The following TOPAZ1 variants were observed in gnomAD, a reference collection of about 807,000 sequenced individuals.
The protein encoded by TOPAZ1 is protein TOPAZ1.
TOPAZ1 carries 66 observed loss-of-function variants against 172.2 expected under a neutral mutation model. That is an observed-to-expected ratio of 0.38 (90% CI 0.31 to 0.47). The LOEUF is 0.47. TOPAZ1 is among the 20% of genes least tolerant of loss of function. The pLI, the probability that TOPAZ1 is intolerant of heterozygous loss-of-function variation, is 0.99. For missense variants in TOPAZ1, 1,822 were observed against 1,972.4 expected, an observed-to-expected ratio of 0.92 and a Z score of 1.44; for synonymous variants, 681 against 683.9, an observed-to-expected ratio of 1.00 and a Z score of 0.07.
chr3:44,278,903 G>T (rs1258984154), intron 8 of TOPAZ1, among the ~76,000 whole-genome samples: 1 of 148,972 alleles, frequency 6.7e-6, no homozygotes, highest in Non-Finnish European at 1.5e-5. Context: ...TGCTTTCCTA[G>T]TTTCTTGAGA....
In TOPAZ1 at chr3:44,244,979, G is replaced by A. The variant is rs1229085186; in HGVS notation, c.2473G>A (p.Glu825Lys). 6.4e-7 allele frequency: 1 copy of A among 1,551,662 alleles called. No individual in the cohort carries two copies. The highest frequency in any genetic ancestry group is 2.0e-5 in the Admixed American group (1 of 50,992). Residue 825 changes from glutamate (E) to lysine (K), a missense_variant, in exon 2 of 20, where the codon GAA (glutamate) becomes AAA (lysine). Physicochemically the swap from Glu to Lys is moderately conservative, Grantham distance 56. Transcript: ENST00000309765. ...VEKSPSFCCNEQETFRPVSSE... is the reference protein window; with the variant it reads ...VEKSPSFCCNKQETFRPVSSE... The stretch of plus-strand genomic sequence containing the variant: ...GAAAAGTCCTTCCTTCTGCTGTAAT[G>A]AACAAGAAACATTCCGACCAGTGTC...
intron 9 of TOPAZ1, among the ~76,000 whole-genome samples, chr3:44,286,356 G>A (rs1230373734): frequency 6.6e-6 from 1 of 152,146 alleles, no homozygotes; most frequent in Non-Finnish European, 1.5e-5. Flanking sequence ...TAATAACACT[G>A]AGTTTACCGT....
chr3:44,282,309 TTAACTC>T (rs566416577), intron 9 of TOPAZ1, among the ~76,000 whole-genome samples: 181 of 152,332 alleles, frequency 1.2e-3, no homozygotes, highest in African/African-American at 4.1e-3. Flanking sequence ...TAATTAGTCT[TTAACTC>T]TATCTAAAGG....
intron 2 of TOPAZ1, among the ~76,000 whole-genome samples, chr3:44,253,565 A>T (rs997997125): frequency 1.3e-5 from 2 of 152,096 alleles, no homozygotes; most frequent in Non-Finnish European, 2.9e-5. Flanking sequence ...TGTATTGGGG[A>T]GGTGAAATTT....
intron 2 of TOPAZ1, among the ~76,000 whole-genome samples, chr3:44,250,243 C>A (rs201934266): frequency 0.019 from 2,068 of 110,050 alleles, no homozygotes; most frequent in Middle Eastern, 0.022. Context: ...CATGAAATGA[C>A]AAAAAAAAAA....
intron 5 of TOPAZ1, among the ~76,000 whole-genome samples, chr3:44,262,830 C>A (rs749246745): frequency 3.3e-5 from 5 of 152,192 alleles, no homozygotes; most frequent in Non-Finnish European, 5.9e-5. Flanking sequence ...TGCAGCGATT[C>A]ATACTAAGAG....
At chr3:44,268,871 C>G (rs146632296) in intron 6 of TOPAZ1, among the ~76,000 whole-genome samples, 176 of 152,280 alleles carry the variant, frequency 1.2e-3, no homozygotes, top group African/African-American at 4.1e-3. Flanking sequence ...CACTAGTTTT[C>G]TTCCCTTAGA....
At chr3:44,328,532 T>A in intron 19 of TOPAZ1, 99 bp downstream of exon 19, 1 of 524,860 alleles carries the variant, frequency 1.9e-6, no homozygotes. Flanking sequence ...TACATACATA[T>A]ATATTTATGT....
rs1700095710 is a variant in TOPAZ1 at position 44,287,759 on chromosome 3, A to T, written c.3601A>T (p.Ile1201Leu). 2.7e-6 allele frequency: 4 copies of T among 1,479,630 alleles called. No homozygotes were observed. The African/African-American group carries it at 5.7e-5, about 21-fold the overall frequency. 91.7% of individuals were successfully genotyped at this position (1,479,630 alleles called of 1,614,324 possible). Residue 1201 changes from isoleucine to leucine, a missense_variant, in exon 11 of 20, where the codon ATA becomes TTA. Physicochemically the swap from Ile to Leu is conservative, Grantham distance 5. Around this residue, in one of 2 missense-constraint regions of TOPAZ1, gnomAD observed 1,489 missense variants for 1,490.8 expected, o/e 1.00. Coordinates refer to ENST00000309765, the MANE Select transcript of TOPAZ1 (RefSeq NM_001145030.2). ...IMVKMLPSLK[I>L]LLNIFEYVAT... ...TTGTTTTATCCAGCCTTCTCTGAAA[A>T]TATTACTAAACATATTTGAGTATGT...
chr3:44,300,053 G>A (rs1331463412), intron 12 of TOPAZ1, among the ~76,000 whole-genome samples: 3 of 150,646 alleles, frequency 2.0e-5, no homozygotes, highest in Non-Finnish European at 4.4e-5. Context: ...GTATACATAT[G>A]TAACTAACCT....
At position 44,262,452 on chromosome 3, in the gene TOPAZ1, G is replaced by T; in HGVS notation, c.2989G>T (p.Glu997Ter). 4 of 1,485,972 alleles carry T rather than the reference G, an allele frequency of 2.7e-6. No homozygotes were observed. The highest frequency in any genetic ancestry group is 2.7e-6 in the Non-Finnish European group (3 of 1,092,546). 92.0% of individuals were successfully genotyped at this position (1,485,972 alleles called of 1,614,324 possible). ...RFTDKVITKE[E>*]KENIYEVCKS... ...TACAGACAAAGTGATTACCAAAGAA[G>T]AAAAAGAAAATATTTATGAAGTTTG... Residue 997 changes from glutamate to a stop codon, truncating the protein, a stop_gained, in exon 5 of 20, where the codon GAA becomes TAA. Transcript: ENST00000309765. LOFTEE classifies it high-confidence loss of function.
intron 11 of TOPAZ1, among the ~76,000 whole-genome samples, chr3:44,290,066 G>C (rs1425167374): frequency 6.6e-6 from 1 of 152,094 alleles, no homozygotes; most frequent in African/African-American, 2.4e-5. Context: ...TTATACCTTT[G>C]AACCAAGGTC....
chr3:44,294,502 T>A (rs1226469691), intron 12 of TOPAZ1, among the ~76,000 whole-genome samples: 1 of 152,202 alleles, frequency 6.6e-6, no homozygotes, highest in Non-Finnish European at 1.5e-5. Context: ...GGCAATTATT[T>A]TTTTTTCTTT....
At chr3:44,283,436 T>C (rs957143648) in intron 9 of TOPAZ1, among the ~76,000 whole-genome samples, 14 of 152,206 alleles carry the variant, frequency 9.2e-5, no homozygotes, top group Non-Finnish European at 2.1e-4. Flanking sequence ...AAATAAGTTA[T>C]GGATTTAGCT....
intron 18 of TOPAZ1, among the ~76,000 whole-genome samples, chr3:44,324,292 G>C (rs1426616842): frequency 6.6e-6 from 1 of 152,082 alleles, no homozygotes; most frequent in African/African-American, 2.4e-5. Context: ...TTCTTAAAAA[G>C]GGTGATCAGA....
At chr3:44,252,166 CTTG>C (rs1699640185) in intron 2 of TOPAZ1, among the ~76,000 whole-genome samples, 1 of 152,100 alleles carries the variant, frequency 6.6e-6, no homozygotes, top group African/African-American at 2.4e-5. Flanking sequence ...AGCTAATATA[CTTG>C]TTGTACCTAT....
intron 8 of TOPAZ1, among the ~76,000 whole-genome samples, chr3:44,271,108 T>C (rs1359105092): frequency 6.6e-6 from 1 of 152,188 alleles, no homozygotes; most frequent in Non-Finnish European, 1.5e-5. Context: ...ATTGTGATGC[T>C]GTCAGTGTTC....
chr3:44,270,249 T>C (rs1019185090), intron 7 of TOPAZ1, among the ~76,000 whole-genome samples: 5 of 152,166 alleles, frequency 3.3e-5, no homozygotes, highest in Admixed American at 3.3e-4. Context: ...CATATTATAA[T>C]AGAATTAACT....
At chr3:44,318,264 C>A (rs551162704) in intron 16 of TOPAZ1, among the ~76,000 whole-genome samples, 156 of 152,172 alleles carry the variant, frequency 1.0e-3, no homozygotes, top group African/African-American at 3.7e-3. Context: ...CCATCCTGGC[C>A]AACGTGGTGA....
Sources: allele counts gnomAD v4.1 joint callset (sites outside exome capture counted in the v4.1 genomes callset), GRCh38; gene constraint gnomAD v4.1.1; regional missense constraint gnomAD v4.1.1; transcripts MANE v1.5; gene names NCBI Gene and HGNC (gene_info 2026-07-23, HGNC 2026-07-21).